CNDP1: variants seen among roughly 807,000 people sequenced by gnomAD.
CNDP1 encodes the protein carnosine dipeptidase 1, also known as beta-Ala-His dipeptidase.
In CNDP1, 44 loss-of-function variants were observed where a neutral mutation model predicts 58.1. The ratio of observed to expected loss-of-function variants is 0.76; its 90% confidence interval spans 0.60 to 0.97. CNDP1 has a LOEUF of 0.97. CNDP1 is among the 50% of genes least tolerant of loss of function. The probability of loss-of-function intolerance (pLI) is 0.00; values close to 1 mark genes in which losing one functional copy is unlikely to be tolerated. For missense variants in CNDP1, 616 were observed against 655.1 expected (o/e 0.94, Z 0.65); for synonymous variants, 254 against 252.6 (o/e 1.01, Z -0.05).
In CNDP1 at chr18:74,556,448, T is replaced by A. The variant is rs747496469; in HGVS notation, c.135T>A (p.His45Gln). Residue 45 changes from histidine to glutamine, a missense_variant, in exon 2 of 12, where the codon CAT becomes CAA. By Grantham distance (24) the His-to-Gln change is conservative. Coordinates refer to ENST00000358821, the MANE Select transcript of CNDP1 (RefSeq NM_032649.6). ...AAGTCTTCCAGTACATTGACCTCCA[T>A]CAGGATGAATTTGTGCAGGTAGGAG... ...LEKVFQYIDL[H>Q]QDEFVQTLKE... 1 of 1,614,220 alleles carries A rather than the reference T, an allele frequency of 6.2e-7. No individual in the cohort carries two copies.
intron 5 of CNDP1, among the ~76,000 whole-genome samples, chr18:74,565,676 C>T (rs1981309855): frequency 6.6e-6 from 1 of 152,170 alleles, no homozygotes; most frequent in South Asian, 2.1e-4. Flanking sequence ...GTGGCTCTGC[C>T]CCTGTGGCTT....
intron 8 of CNDP1, chr18:74,577,315 C>A (rs1476615049): frequency 8.3e-6 from 2 of 239,966 alleles, no homozygotes; most frequent in African/African-American, 2.2e-5. Flanking sequence ...CTAAATCCCA[C>A]GTCAGCCTTC....
At chr18:74,582,950 T>C (rs1315098816) in intron 10 of CNDP1, among the ~76,000 whole-genome samples, 6 of 152,224 alleles carry the variant, frequency 3.9e-5, no homozygotes, top group Non-Finnish European at 5.9e-5. Context: ...TTTGCAACTT[T>C]TCTAAATTCT....
At chr18:74,574,539 T>C (rs1193999253) in intron 7 of CNDP1, among the ~76,000 whole-genome samples, 2 of 152,216 alleles carry the variant, frequency 1.3e-5, no homozygotes, top group Non-Finnish European at 2.9e-5. Context: ...GCATGCAGGA[T>C]TCTGTTTCCT....
At chr18:74,582,260 T>C (rs1478761454) in intron 10 of CNDP1, among the ~76,000 whole-genome samples, 2 of 152,240 alleles carry the variant, frequency 1.3e-5, no homozygotes, top group African/African-American at 4.8e-5. Context: ...ATCACTTCGA[T>C]TCACGTCCAC....
chr18:74,583,182 T>A (rs1157871387), intron 10 of CNDP1, among the ~76,000 whole-genome samples: 9 of 152,106 alleles, frequency 5.9e-5, no homozygotes, highest in Non-Finnish European at 1.2e-4. Flanking sequence ...AATTTTTGTA[T>A]TTTTAGTAGA....
At chr18:74,549,937 A>G (rs922806264) in intron 1 of CNDP1, among the ~76,000 whole-genome samples, 1 of 152,248 alleles carries the variant, frequency 6.6e-6, no homozygotes, top group African/African-American at 2.4e-5. Flanking sequence ...AAGCCTACAG[A>G]CACACAGAGT....
At chr18:74,555,425 C>T (rs1399234746) in intron 1 of CNDP1, among the ~76,000 whole-genome samples, 1 of 152,186 alleles carries the variant, frequency 6.6e-6, no homozygotes, top group Non-Finnish European at 1.5e-5. Context: ...GCTCGGGCTG[C>T]ACTGGGGGAG....
chr18:74,581,728 C>T (rs1981795442), intron 10 of CNDP1, among the ~76,000 whole-genome samples: 1 of 152,174 alleles, frequency 6.6e-6, no homozygotes, highest in Admixed American at 6.5e-5. Context: ...CGTCAGGGAG[C>T]AGGGACACCC....
At chr18:74,583,491 T>A in intron 10 of CNDP1, 70 bp from the exon 11 acceptor site, 1 of 1,306,152 alleles carries the variant, frequency 7.7e-7, no homozygotes, top group Non-Finnish European at 1.1e-6. Context: ...AAGGAGGCAC[T>A]GACCTTGAGG....
chr18:74,572,895 A>G (rs182103482), intron 7 of CNDP1, among the ~76,000 whole-genome samples: 1 of 151,822 alleles, frequency 6.6e-6, no homozygotes, highest in East Asian at 1.9e-4. Flanking sequence ...ACAAATTGCC[A>G]GAAAGCATTT....
At chr18:74,539,370 G>C (rs1269575849) in intron 1 of CNDP1, among the ~76,000 whole-genome samples, 7 of 152,154 alleles carry the variant, frequency 4.6e-5, no homozygotes, top group Non-Finnish European at 1.0e-4. Flanking sequence ...CCTGCACACT[G>C]TCTCACGAAG....
At position 74,584,653 on chromosome 18, in the gene CNDP1, T is replaced by A; in HGVS notation, c.*91T>A. The A allele has an allele frequency of 9.6e-7, 1 of 1,039,076 alleles. No individual in the cohort carries two copies. The highest frequency in any genetic ancestry group is 2.4e-5 in the East Asian group (1 of 42,076). The allele number at this position is 1,039,076 out of a possible 1,614,324, so 64.4% of individuals were successfully genotyped here. ...GGATGGAATGTAAATATCCAGAGAATTTGGGTCTAGTATAGTACATTTTCC... is the reference window on the plus strand; with the variant it reads ...GGATGGAATGTAAATATCCAGAGAAATTGGGTCTAGTATAGTACATTTTCC... On this transcript the variant is annotated 3_prime_UTR_variant, in exon 12 of 12. Transcript: ENST00000358821.
intron 7 of CNDP1, among the ~76,000 whole-genome samples, chr18:74,574,228 C>T (rs982618964): frequency 3.3e-5 from 5 of 152,234 alleles, no homozygotes; most frequent in African/African-American, 9.6e-5. Context: ...AGACAATAAA[C>T]GCTAGTGAGC....
intron 4 of CNDP1, chr18:74,561,239 A>C: frequency 2.2e-6 from 1 of 452,774 alleles, no homozygotes; most frequent in African/African-American, 1.9e-5. Flanking sequence ...ACATGGCAAA[A>C]CCCTCTCTCT....
chr18:74,555,494 C>G (rs1277310178), intron 1 of CNDP1, among the ~76,000 whole-genome samples: 1 of 152,170 alleles, frequency 6.6e-6, no homozygotes, highest in Non-Finnish European at 1.5e-5. Context: ...GCTGGCAGCT[C>G]CCACTCCAGA....
chr18:74,567,197 C>A (rs767102561), intron 5 of CNDP1, 36 bp from the exon 6 acceptor site: 3 of 1,554,382 alleles, frequency 1.9e-6, no homozygotes, highest in Admixed American at 1.7e-5. Context: ...CCACATCAGG[C>A]AACTTGTGCA....
intron 1 of CNDP1, among the ~76,000 whole-genome samples, chr18:74,555,532 G>C (rs1013563593): frequency 6.6e-6 from 1 of 152,186 alleles, no homozygotes; most frequent in Non-Finnish European, 1.5e-5. Context: ...TCTGTGAAGG[G>C]GTGACCTTGC....
chr18:74,541,042 C>T (rs1362797900), intron 1 of CNDP1, among the ~76,000 whole-genome samples: 3 of 152,194 alleles, frequency 2.0e-5, no homozygotes, highest in Non-Finnish European at 2.9e-5. Context: ...CCACTAGCGG[C>T]GTTCTGGGAG....
Sources: gnomAD v4.1 joint callset for allele counts (sites outside exome capture counted in the v4.1 genomes callset) on GRCh38, gnomAD v4.1.1 for gene constraint, MANE v1.5 for transcripts, NCBI Gene and HGNC (gene_info 2026-07-23, HGNC 2026-07-21) for gene names.